The following DYTN variants were observed in gnomAD, a reference collection of about 807,000 sequenced individuals.
DYTN encodes dystrotelin.
Under a neutral mutation model 69.6 loss-of-function variants are expected in DYTN, and 75 were observed. The observed-to-expected ratio is 1.08, with a 90% CI of 0.89 to 1.31. The LOEUF (loss-of-function observed/expected upper bound fraction) is 1.31. Among genes scored for constraint, DYTN ranks in the 50% most tolerant of loss-of-function variants. The probability of loss-of-function intolerance (pLI) is 0.00; values close to 1 mark genes in which losing one functional copy is unlikely to be tolerated. For missense variants in DYTN, 726 were observed against 688.4 expected (o/e 1.05, Z -0.61); for synonymous variants, 252 against 249.1 (o/e 1.01, Z -0.11).
chr2:206,665,954 A>G lies in DYTN; in HGVS notation c.1056T>C (p.Cys352=). The G allele has an allele frequency of 6.2e-7, 1 of 1,613,948 alleles. No homozygotes were observed. The highest frequency in any genetic ancestry group is 8.5e-7 in the Non-Finnish European group (1 of 1,179,848). Residue 352 remains cysteine (C), a synonymous_variant, in exon 10 of 12, where the codon TGT becomes TGC. Transcript: ENST00000452335. Reference sequence around the variant, plus strand: ...GTTTGTGAATCCTTGTTTCAAATCGACAAATTCTTTCTTCCTGGGAGGTGT... The same window carrying G: ...GTTTGTGAATCCTTGTTTCAAATCGGCAAATTCTTTCTTCCTGGGAGGTGT... ...AIYTSQEERI[C]RFETRIHKLK...
chr2:206,662,705 C>T (rs1302814387), intron 11 of DYTN, among the ~76,000 whole-genome samples, 198 bp downstream of exon 11: 3 of 150,984 alleles, frequency 2.0e-5, no homozygotes, highest in African/African-American at 7.3e-5. Context: ...TGGTTTATCA[C>T]CTTTAATACT....
intron 9 of DYTN, among the ~76,000 whole-genome samples, chr2:206,671,573 A>G (rs1699630137): frequency 6.6e-6 from 1 of 152,228 alleles, no homozygotes; most frequent in African/African-American, 2.4e-5. Flanking sequence ...GTACTCTCAT[A>G]AGCCATTGTT....
chr2:206,676,786 CACAT>C (rs1397300163), intron 9 of DYTN, among the ~76,000 whole-genome samples: 1 of 151,964 alleles, frequency 6.6e-6, no homozygotes, highest in Non-Finnish European at 1.5e-5. Context: ...GTTCTTACCA[CACAT>C]ACAAATTAAC....
chr2:206,687,740 T>A (rs1003517060), intron 9 of DYTN, among the ~76,000 whole-genome samples: 5 of 152,168 alleles, frequency 3.3e-5, no homozygotes, highest in African/African-American at 1.2e-4. Flanking sequence ...TATGCATTAT[T>A]TTTCCATGAA....
chr2:206,689,040 A>C (rs1279595763), intron 9 of DYTN, among the ~76,000 whole-genome samples: 2 of 152,216 alleles, frequency 1.3e-5, no homozygotes, highest in African/African-American at 4.8e-5. Flanking sequence ...ATTAGCTACA[A>C]AGAGAAGTAA....
chr2:206,699,913 G>A (rs1297045049), intron 6 of DYTN, 23 bp from the exon 7 acceptor site: 1 of 1,604,944 alleles, frequency 6.2e-7, no homozygotes, highest in Non-Finnish European at 8.5e-7. Flanking sequence ...GGCACTCTAA[G>A]ATGTGTTTTT....
chr2:206,685,123 T>C (rs1444191027), intron 9 of DYTN, among the ~76,000 whole-genome samples: 3 of 151,728 alleles, frequency 2.0e-5, no homozygotes, highest in Non-Finnish European at 4.4e-5. Flanking sequence ...GAAGGGCAAT[T>C]AGTGTGCAAA....
chr2:206,694,093 CTG>C (rs955278102), intron 8 of DYTN, among the ~76,000 whole-genome samples: 1 of 152,182 alleles, frequency 6.6e-6, no homozygotes, highest in African/African-American at 2.4e-5. Flanking sequence ...AGGTTGCCAT[CTG>C]TGTGAAGAAA....
chr2:206,667,573 A>G (rs1271605819), intron 9 of DYTN, among the ~76,000 whole-genome samples: 1 of 152,106 alleles, frequency 6.6e-6, no homozygotes, highest in African/African-American at 2.4e-5. Context: ...CCAGCCTTCA[A>G]ATTTCTAGAC....
intron 9 of DYTN, among the ~76,000 whole-genome samples, chr2:206,678,790 G>T (rs1451522552): frequency 1.3e-5 from 2 of 152,064 alleles, no homozygotes; most frequent in Non-Finnish European, 2.9e-5. Flanking sequence ...TTTTAATTTT[G>T]TTCTTTGTTC....
At chr2:206,694,920 G>GAGA (rs374026018) in intron 7 of DYTN, 43 bp from the exon 8 acceptor site, 39,090 of 786,910 alleles carry the variant, frequency 0.05, 1,004 homozygotes, top group East Asian at 0.19. Flanking sequence ...ACTAGTAGAT[G>GAGA]AGAAAAAAAA....
chr2:206,710,281 A>G (rs1225250582), intron 2 of DYTN, among the ~76,000 whole-genome samples: 1 of 152,244 alleles, frequency 6.6e-6, no homozygotes, highest in African/African-American at 2.4e-5. Context: ...AAATATTTAA[A>G]AAATTAAAAA....
Position 206,695,074 on chromosome 2 carries a change from A to G in DYTN, c.720-197T>C, listed in dbSNP as rs551303136. Among the ~76,000 whole-genome samples the G allele has an allele frequency of 2.1e-4, 32 of 152,314 alleles. No homozygotes were observed. The South Asian group carries it at 6.0e-3, about 29-fold the overall frequency. On this transcript the variant is annotated intron_variant, in intron 7 of 11. Coordinates refer to ENST00000452335, the MANE Select transcript of DYTN (RefSeq NM_001093730.1). ...TTTGTTTACTCAAATACATCTTCAT[A>G]TGATAGTATTTTCAAATGGCATTAT... is the stretch of plus-strand genomic sequence containing the variant.
chr2:206,708,953 C>G (rs1302090379), intron 2 of DYTN, among the ~76,000 whole-genome samples: 1 of 152,150 alleles, frequency 6.6e-6, no homozygotes, highest in African/African-American at 2.4e-5. Context: ...GTGACTGGGA[C>G]ATGTGAACAA....
chr2:206,659,833 C>T (rs2105887182), intron 11 of DYTN, among the ~76,000 whole-genome samples: 1 of 152,102 alleles, frequency 6.6e-6, no homozygotes, highest in Non-Finnish European at 1.5e-5. Context: ...ATATATAATG[C>T]AAAACGGTAG....
chr2:206,686,466 T>C (rs1699810260), intron 9 of DYTN: 1 of 152,300 alleles, frequency 6.6e-6, no homozygotes, highest in Non-Finnish European at 1.5e-5. Context: ...ACCAGCAGGA[T>C]ATCCACAAGG....
chr2:206,711,301 T>TA (rs1393822009), intron 1 of DYTN, among the ~76,000 whole-genome samples: 1 of 152,242 alleles, frequency 6.6e-6, no homozygotes, highest in Non-Finnish European at 1.5e-5. Flanking sequence ...CCAATAGCAG[T>TA]ACAACAATAG....
At chr2:206,657,736 A>C (rs888756222) in intron 11 of DYTN, among the ~76,000 whole-genome samples, 2 of 152,172 alleles carry the variant, frequency 1.3e-5, no homozygotes, top group African/African-American at 4.8e-5. Flanking sequence ...ATAATCTTAT[A>C]AGGGTTTCTT....
At chr2:206,682,353 A>G (rs1313150702) in intron 9 of DYTN, among the ~76,000 whole-genome samples, 1 of 151,930 alleles carries the variant, frequency 6.6e-6, no homozygotes, top group Non-Finnish European at 1.5e-5. Flanking sequence ...TTGACTTTTC[A>G]AGGGTAAAAG....
Sources: allele counts gnomAD v4.1 joint callset (sites outside exome capture counted in the v4.1 genomes callset), GRCh38; gene constraint gnomAD v4.1.1; transcripts MANE v1.5; gene names NCBI Gene and HGNC (gene_info 2026-07-23, HGNC 2026-07-21).